Variants in CD2AP observed in about 807,000 individuals in gnomAD.
The protein encoded by CD2AP is CD2 associated protein.
A neutral mutation model predicts 85.1 loss-of-function variants in CD2AP; 46 were observed. That is an observed-to-expected ratio of 0.54 (90% confidence interval 0.43 to 0.69). CD2AP has a LOEUF of 0.69. Ranked by LOEUF, CD2AP falls within the 30% of genes least tolerant of loss-of-function variation. The probability of loss-of-function intolerance (pLI) is 0.00; values close to 1 mark genes in which losing one functional copy is unlikely to be tolerated. For synonymous variants in CD2AP, 255 were observed against 252.9 expected (o/e 1.01, Z -0.08); for missense variants, 769 against 729.5 (o/e 1.05, Z -0.62).
intron 11 of CD2AP, among the ~76,000 whole-genome samples, chr6:47,589,563 C>CATATATATATATATATAT (rs1346907208): frequency 2.8e-4 from 13 of 46,654 alleles, no homozygotes; most frequent in East Asian, 1.6e-3. Flanking sequence ...CACACACACA[C>CATATATATATATATATAT]ACATATATAT....
chr6:47,498,017 C>T (rs1562003883), intron 1 of CD2AP, among the ~76,000 whole-genome samples: 1 of 151,180 alleles, frequency 6.6e-6, no homozygotes, highest in Non-Finnish European at 1.5e-5. Context: ...TGTTTTGGTT[C>T]ATATTTTAAT....
At chr6:47,575,917 A>G (rs928664176) in intron 6 of CD2AP, among the ~76,000 whole-genome samples, 15 of 152,160 alleles carry the variant, frequency 9.9e-5, no homozygotes, top group African/African-American at 3.4e-4. Flanking sequence ...TCCTTTTACT[A>G]TGGACAGATG....
chr6:47,492,038 G>T (rs1201086564), intron 1 of CD2AP, among the ~76,000 whole-genome samples: 1 of 152,040 alleles, frequency 6.6e-6, no homozygotes, highest in Non-Finnish European at 1.5e-5. Context: ...TTAATTCATT[G>T]TGTTGTTTGT....
intron 5 of CD2AP, among the ~76,000 whole-genome samples, chr6:47,555,970 A>G (rs1323615294): frequency 6.6e-6 from 1 of 151,942 alleles, no homozygotes; most frequent in Non-Finnish European, 1.5e-5. Flanking sequence ...GAAATTAAGT[A>G]GGAAAACATA....
intron 11 of CD2AP, among the ~76,000 whole-genome samples, chr6:47,591,655 C>G (rs189926952): frequency 5.3e-5 from 8 of 152,166 alleles, no homozygotes; most frequent in African/African-American, 1.9e-4. Flanking sequence ...AGGACATTGA[C>G]CCTCATCTGA....
chr6:47,524,622 A>G (rs1051238095), intron 2 of CD2AP, among the ~76,000 whole-genome samples: 3 of 151,010 alleles, frequency 2.0e-5, no homozygotes, highest in African/African-American at 7.3e-5. Context: ...TTTTTTTTCC[A>G]CTGTACTTCA....
chr6:47,565,233 A>G (rs1415315617), intron 5 of CD2AP, among the ~76,000 whole-genome samples: 7 of 152,186 alleles, frequency 4.6e-5, no homozygotes, highest in Admixed American at 2.6e-4. Context: ...TGGTTTCTAT[A>G]TAAAAGTCCA....
intron 1 of CD2AP, among the ~76,000 whole-genome samples, chr6:47,481,190 A>T (rs1376913991): frequency 6.6e-6 from 1 of 152,222 alleles, no homozygotes; most frequent in African/African-American, 2.4e-5. Context: ...TAGAGCACAA[A>T]AAAGGAATAT....
At chr6:47,554,517 A>T in intron 4 of CD2AP, 129 bp from the exon 5 acceptor site, 1 of 843,728 alleles carries the variant, frequency 1.2e-6, no homozygotes, top group Non-Finnish European at 1.9e-6. Flanking sequence ...ATTGTGTTTT[A>T]AATTTTAAAG....
chr6:47,509,103 AGTCTG>A (rs1766253220), intron 2 of CD2AP, among the ~76,000 whole-genome samples: 1 of 152,138 alleles, frequency 6.6e-6, no homozygotes, highest in Admixed American at 6.5e-5. Flanking sequence ...GTTATTAATT[AGTCTG>A]ATTTCAGTAT....
At chr6:47,595,085 G>T (rs1768903791) in intron 11 of CD2AP, among the ~76,000 whole-genome samples, 1 of 151,990 alleles carries the variant, frequency 6.6e-6, no homozygotes, top group Admixed American at 6.6e-5. Context: ...ATGTATGCAT[G>T]TGTCAATTTT....
At chr6:47,551,303 A>G (rs1053280812) in intron 4 of CD2AP, among the ~76,000 whole-genome samples, 7 of 152,164 alleles carry the variant, frequency 4.6e-5, no homozygotes, top group Non-Finnish European at 1.0e-4. Flanking sequence ...ATGTTTTGAT[A>G]CCATGTATTA....
At chr6:47,601,321 G>C (rs1308018259) in intron 13 of CD2AP, among the ~76,000 whole-genome samples, 1 of 151,806 alleles carries the variant, frequency 6.6e-6, no homozygotes, top group African/African-American at 2.4e-5. Context: ...CAATAAATAA[G>C]GAAATAATCT....
chr6:47,503,173 A>G, intron 1 of CD2AP, 107 bp from the exon 2 acceptor site: 1 of 1,074,186 alleles, frequency 9.3e-7, no homozygotes, highest in East Asian at 2.6e-5. Flanking sequence ...TCTTTGTGGT[A>G]TTAAATATTG....
chr6:47,601,823 G>T (rs1016718215), intron 13 of CD2AP, among the ~76,000 whole-genome samples: 4 of 151,876 alleles, frequency 2.6e-5, no homozygotes, highest in African/African-American at 9.7e-5. Context: ...ATTAGGCAAC[G>T]TAATAATTTG....
chr6:47,545,614 G>A (rs1029441640), intron 4 of CD2AP, among the ~76,000 whole-genome samples: 2 of 152,052 alleles, frequency 1.3e-5, no homozygotes, highest in African/African-American at 2.4e-5. Context: ...TACCCCGCCC[G>A]CTGGTCCCAA....
intron 17 of CD2AP, among the ~76,000 whole-genome samples, chr6:47,621,749 A>G (rs573915226): frequency 6.6e-6 from 1 of 152,110 alleles, no homozygotes; most frequent in East Asian, 1.9e-4. Flanking sequence ...CAGGATCTCT[A>G]ATTCTTCCTG....
At chr6:47,531,039 C>T (rs1023478078) in intron 2 of CD2AP, among the ~76,000 whole-genome samples, 2 of 151,886 alleles carry the variant, frequency 1.3e-5, no homozygotes, top group African/African-American at 4.8e-5. Flanking sequence ...CACTTGAGCC[C>T]AGGAGTTGAA....
At chr6:47,491,271 ATGTGTGTG>A (rs57447174) in intron 1 of CD2AP, among the ~76,000 whole-genome samples, 44,647 of 122,388 alleles carry the variant, frequency 0.36, 7,201 homozygotes, top group East Asian at 0.6. Context: ...GTGTGTGTGT[ATGTGTGTG>A]TGTGTGTGTG....
Sources: allele counts gnomAD v4.1 joint callset (sites outside exome capture counted in the v4.1 genomes callset), GRCh38; gene constraint gnomAD v4.1.1; transcripts MANE v1.5; gene names NCBI Gene and HGNC (gene_info 2026-07-23, HGNC 2026-07-21).